Variants in ABCC4 observed in about 807,000 individuals in gnomAD.
The protein encoded by ABCC4 is ATP-binding cassette sub-family C member 4.
Under a neutral mutation model 168.5 loss-of-function variants are expected in ABCC4, and 102 were observed. That is an observed-to-expected ratio of 0.61 (90% CI 0.52 to 0.71). The LOEUF is 0.71. Ranked by LOEUF, ABCC4 falls within the 30% of genes least tolerant of loss-of-function variation. The pLI is 0.00. For synonymous variants in ABCC4, 617 were observed against 590.7 expected, an observed-to-expected ratio of 1.04 and a Z score of -0.65; for missense variants, 1,402 against 1,605.8, an observed-to-expected ratio of 0.87 and a Z score of 2.17.
At chr13:95,189,279 G>A (rs1262238820) in intron 9 of ABCC4, among the ~76,000 whole-genome samples, 1 of 150,956 alleles carries the variant, frequency 6.6e-6, no homozygotes, top group Non-Finnish European at 1.5e-5. Context: ...GACTACAGGC[G>A]CCTGCCACTG....
intron 1 of ABCC4, among the ~76,000 whole-genome samples, chr13:95,251,006 TC>T (rs1230849424): frequency 6.6e-6 from 1 of 152,150 alleles, no homozygotes; most frequent in Non-Finnish European, 1.5e-5. Context: ...CAGGCTGGTA[TC>T]GAACTCCTGG....
chr13:95,038,374 CAAAAAAA>C (rs74617293), intron 29 of ABCC4, among the ~76,000 whole-genome samples: 1 of 97,642 alleles, frequency 1.0e-5, no homozygotes. Flanking sequence ...AGCCCATACT[CAAAAAAA>C]AAAAAAAAAA....
At chr13:95,044,544 A>T (rs913147270) in intron 27 of ABCC4, 106 bp from the exon 28 acceptor site, 1 of 919,372 alleles carries the variant, frequency 1.1e-6, no homozygotes, top group Admixed American at 3.1e-5. Context: ...GAGAGATATA[A>T]CTTAAGTGGA....
intron 1 of ABCC4, among the ~76,000 whole-genome samples, chr13:95,256,257 T>C (rs72643688): frequency 1.3e-5 from 2 of 152,318 alleles, no homozygotes; most frequent in Non-Finnish European, 2.9e-5. Context: ...ATATTAATTA[T>C]TTCTGCAGCC....
At chr13:95,218,946 A>AAAGAAAG (rs1199043879) in intron 4 of ABCC4, among the ~76,000 whole-genome samples, 2 of 34,930 alleles carry the variant, frequency 5.7e-5, no homozygotes, top group Non-Finnish European at 1.3e-4. Context: ...AGAAAGAAAG[A>AAAGAAAG]AAGAAAGAAA....
At chr13:95,286,139 A>G (rs370420697) in intron 1 of ABCC4, among the ~76,000 whole-genome samples, 1 of 17,586 alleles carries the variant, frequency 5.7e-5, no homozygotes, top group African/African-American at 9.8e-5. Flanking sequence ...TTTTTTTTTG[A>G]GACGGAGTCT....
intron 19 of ABCC4, among the ~76,000 whole-genome samples, chr13:95,130,121 T>A (rs148539799): frequency 6.6e-6 from 1 of 151,954 alleles, no homozygotes; most frequent in East Asian, 1.9e-4. Context: ...AGAAAACTTA[T>A]CGTATTGCAA....
chr13:95,073,422 A>G (rs2033797400), intron 23 of ABCC4, 118 bp from the exon 24 acceptor site: 2 of 585,128 alleles, frequency 3.4e-6, no homozygotes, highest in Non-Finnish European at 5.8e-6. Flanking sequence ...ATTTAATGAC[A>G]TTAATAGCTA....
At chr13:95,193,592 G>A (rs900970750) in intron 9 of ABCC4, among the ~76,000 whole-genome samples, 1 of 152,236 alleles carries the variant, frequency 6.6e-6, no homozygotes, top group African/African-American at 2.4e-5. Context: ...CTGTTTTCCA[G>A]ACTAACACAG....
At chr13:95,255,623 C>T (rs1399434291) in intron 1 of ABCC4, among the ~76,000 whole-genome samples, 2 of 152,178 alleles carry the variant, frequency 1.3e-5, no homozygotes, top group Non-Finnish European at 1.5e-5. Flanking sequence ...TTTCCTCTAA[C>T]GTTCCTCCCT....
rs1394121023 is a variant in ABCC4, at chr13:95,075,413, T to C, written c.2806+19A>G. The stretch of plus-strand genomic sequence containing the variant: ...CAGCAGATCCTGTCCTTTGAAACCA[T>C]TTCCAGAAATAGACAGACCTGAATG... On this transcript the variant is annotated intron_variant, in intron 22 of 30. Coordinates refer to ENST00000645237, the MANE Select transcript of ABCC4 (RefSeq NM_005845.5). 1 of 1,613,886 alleles carries C rather than the reference T, an allele frequency of 6.2e-7. No homozygotes were observed. Among genetic ancestry groups the C allele is most frequent in the Non-Finnish European group, 8.5e-7 (1 of 1,179,902 alleles).
chr13:95,062,689 C>T lies in ABCC4; in HGVS notation c.3366+15G>A. 6.2e-7 allele frequency: 1 copy of T among 1,611,244 alleles called. No homozygotes were observed. On this transcript the variant is annotated intron_variant, in intron 26 of 30. Transcript: ENST00000645237. ...CTTATAAAAGGGGCAGGTAAGGACG[C>T]TATGACTTGCATACCTGAGGTATGA... is the stretch of plus-strand genomic sequence containing the variant.
intron 25 of ABCC4, among the ~76,000 whole-genome samples, chr13:95,070,299 C>T (rs1339969764): frequency 6.6e-6 from 1 of 151,980 alleles, no homozygotes; most frequent in African/African-American, 2.4e-5. Context: ...GGCAGAGATG[C>T]TTGAACTGAC....
At position 95,044,247 on chromosome 13, in the gene ABCC4, A is replaced by C; in HGVS notation, c.3629+19T>G. The C allele has an allele frequency of 1.9e-6, 3 of 1,589,004 alleles. No homozygotes were observed. Among genetic ancestry groups the C allele is most frequent in the Non-Finnish European group, 2.6e-6 (3 of 1,167,748 alleles). ...ACTTAAAATGTGGACTCAAGGTTAC[A>C]TGGACCTCAGCTTTATACCTTGGAT... is the stretch of plus-strand genomic sequence containing the variant. On this transcript the variant is annotated intron_variant, in intron 28 of 30. Coordinates refer to ENST00000645237, the MANE Select transcript of ABCC4 (RefSeq NM_005845.5).
intron 9 of ABCC4, among the ~76,000 whole-genome samples, chr13:95,190,765 C>A (rs1022731704): frequency 6.6e-6 from 1 of 152,162 alleles, no homozygotes; most frequent in Non-Finnish European, 1.5e-5. Context: ...GTTTAAGCAG[C>A]ACATTTATAA....
intron 19 of ABCC4, among the ~76,000 whole-genome samples, chr13:95,120,950 T>G (rs1013677746): frequency 6.6e-6 from 1 of 152,122 alleles, no homozygotes; most frequent in South Asian, 2.1e-4. Flanking sequence ...AGGAAGCCAT[T>G]TGAGGGGATG....
chr13:95,143,671 A>T (rs1022179575), intron 19 of ABCC4, among the ~76,000 whole-genome samples: 3 of 152,336 alleles, frequency 2.0e-5, no homozygotes, highest in African/African-American at 7.2e-5. Flanking sequence ...GCACCATTCC[A>T]CAGTATCTCC....
At position 95,301,258 on chromosome 13, in the gene ABCC4, G is replaced by A. The variant is rs1299749777; in HGVS notation, c.57C>T (p.Cys19=). 8.2e-6 allele frequency: 13 copies of A among 1,594,980 alleles called. No homozygotes were observed. Among genetic ancestry groups the A allele is most frequent in the Non-Finnish European group, 1.0e-5 (12 of 1,171,476 alleles). ...ACACTCACCAGAAGAACACGCGTGA[G>A]CAGAGGTTCGCGTCCTGCAGCGGGT... The part of the protein sequence containing the change: ...KPNPLQDANL[C]SRVFFWWLNP... Residue 19 remains cysteine (C), a synonymous_variant, in exon 1 of 31, where the codon TGC becomes TGT. Coordinates refer to ENST00000645237, the MANE Select transcript of ABCC4 (RefSeq NM_005845.5).
intron 30 of ABCC4, among the ~76,000 whole-genome samples, chr13:95,026,463 G>C (rs1269973374): frequency 1.3e-5 from 2 of 151,848 alleles, no homozygotes; most frequent in Admixed American, 6.6e-5. Flanking sequence ...GTAAAGAAGA[G>C]AATATAATCA....
Sources: gnomAD v4.1 joint callset for allele counts (sites outside exome capture counted in the v4.1 genomes callset) on GRCh38, gnomAD v4.1.1 for gene constraint, MANE v1.5 for transcripts, NCBI Gene and HGNC (gene_info 2026-07-23, HGNC 2026-07-21) for gene names.